Variants in GRIN2B observed in about 807,000 individuals in gnomAD.
GRIN2B encodes the protein glutamate ionotropic receptor NMDA type subunit 2B.
In GRIN2B, 5 loss-of-function variants were observed where a neutral mutation model predicts 114.5. The ratio of observed to expected loss-of-function variants is 0.04; its 90% confidence interval spans 0.02 to 0.09. GRIN2B has a LOEUF of 0.09. GRIN2B is among the 10% of genes least tolerant of loss of function. GRIN2B has a pLI of 1.00. For missense variants in GRIN2B, 1,108 were observed against 1,943.5 expected (o/e 0.57, Z 8.08); for synonymous variants, 787 against 745.1 (o/e 1.06, Z -0.92).
At chr12:13,711,450 A>C (rs566632652) in intron 4 of GRIN2B, among the ~76,000 whole-genome samples, 51 of 152,258 alleles carry the variant, frequency 3.3e-4, no homozygotes, top group African/African-American at 1.2e-3. Flanking sequence ...CAACCTACAG[A>C]ATGGGAGAAA....
chr12:13,898,451 G>A (rs1428553152), intron 2 of GRIN2B, among the ~76,000 whole-genome samples: 1 of 152,194 alleles, frequency 6.6e-6, no homozygotes, highest in Admixed American at 6.6e-5. Flanking sequence ...TGATTCTCAG[G>A]CTAGTGCTTT....
At chr12:13,717,738 A>C (rs932583403) in intron 4 of GRIN2B, among the ~76,000 whole-genome samples, 1 of 152,020 alleles carries the variant, frequency 6.6e-6, no homozygotes, top group Non-Finnish European at 1.5e-5. Context: ...ATAAAGCAAA[A>C]GTAAAAAGAT....
intron 2 of GRIN2B, among the ~76,000 whole-genome samples, chr12:13,896,170 C>T (rs1049794605): frequency 2.0e-5 from 3 of 152,076 alleles, no homozygotes; most frequent in Admixed American, 6.6e-5. Flanking sequence ...GCTCTACCAA[C>T]GAGGAGGCTC....
chr12:13,624,126 C>A (rs1379595776), intron 5 of GRIN2B, among the ~76,000 whole-genome samples: 1 of 152,174 alleles, frequency 6.6e-6, no homozygotes, highest in African/African-American at 2.4e-5. Flanking sequence ...TGTGGGTCAA[C>A]CTCTCCCTTT....
At chr12:13,890,841 A>G (rs1866247866) in intron 2 of GRIN2B, among the ~76,000 whole-genome samples, 1 of 152,136 alleles carries the variant, frequency 6.6e-6, no homozygotes, top group African/African-American at 2.4e-5. Flanking sequence ...TTTGAGCACC[A>G]TGCAGACTTT....
chr12:13,959,759 TTTTC>T (rs951539847), intron 2 of GRIN2B, among the ~76,000 whole-genome samples: 8 of 95,504 alleles, frequency 8.4e-5, no homozygotes, highest in Admixed American at 2.6e-4. Context: ...TTCTTTCTTT[TTTTC>T]TTTTTCTTTT....
Position 13,553,982 on chromosome 12 carries a change from TGTA to T in GRIN2B, c.*8798_*8800del, listed in dbSNP as rs1708379062. The T allele has an allele frequency of 6.6e-6, 1 of 152,164 alleles. No individual in the cohort carries two copies. Among genetic ancestry groups the T allele is most frequent in the African/African-American group, 2.4e-5 (1 of 41,440 alleles). 9.4% of individuals were successfully genotyped at this position (152,164 alleles called of 1,614,324 possible). ...CATTTGAAATAATGAACTGTATACATGTAGTATATACATGTGATTGTGTGTGCA... is the reference window on the plus strand; with the variant it reads ...CATTTGAAATAATGAACTGTATACATGTATATACATGTGATTGTGTGTGCA... On this transcript the variant is annotated 3_prime_UTR_variant, in exon 14 of 14. Coordinates refer to ENST00000609686, the MANE Select transcript of GRIN2B (RefSeq NM_000834.5).
At chr12:13,972,518 T>TA (rs5796571) in intron 2 of GRIN2B, among the ~76,000 whole-genome samples, 131,121 of 152,116 alleles carry the variant, frequency 0.86, 57,181 homozygotes, top group South Asian at 0.93. Context: ...CCATTACATA[T>TA]AAGAGAGAAC....
In GRIN2B at chr12:13,540,148, G is replaced by T. The variant is rs1011588994; in HGVS notation, c.*22635C>A. Reference sequence around the variant, plus strand: ...CAATTGGAAACCAACTGGGCAAGGGGTTTTTCCCAAACAGCACTTTTAACA... The same window carrying T: ...CAATTGGAAACCAACTGGGCAAGGGTTTTTTCCCAAACAGCACTTTTAACA... On this transcript the variant is annotated 3_prime_UTR_variant, in exon 14 of 14. Coordinates refer to ENST00000609686, the MANE Select transcript of GRIN2B (RefSeq NM_000834.5). 7.2e-5 allele frequency: 11 copies of T among 152,148 alleles called. No individual in the cohort carries two copies. Among genetic ancestry groups the T allele is most frequent in the African/African-American group, 2.4e-4 (10 of 41,442 alleles). 9.4% of individuals were successfully genotyped at this position (152,148 alleles called of 1,614,324 possible). A position where few individuals can be genotyped will look rare whatever the true frequency, so the allele number is the denominator to read the frequency against.
At chr12:13,639,939 T>C (rs987269604) in intron 5 of GRIN2B, among the ~76,000 whole-genome samples, 8 of 152,272 alleles carry the variant, frequency 5.3e-5, no homozygotes, top group Non-Finnish European at 1.0e-4. Context: ...TTTTACACTT[T>C]TAGAGGCAAA....
chr12:13,665,147 TTG>T (rs922497427), intron 5 of GRIN2B, among the ~76,000 whole-genome samples: 1 of 96,292 alleles, frequency 1.0e-5, no homozygotes, highest in African/African-American at 3.7e-5. Flanking sequence ...GTGTGTGTGT[TTG>T]TGTGTGTGTG....
intron 4 of GRIN2B, among the ~76,000 whole-genome samples, chr12:13,682,643 G>A (rs1950141736): frequency 6.6e-6 from 1 of 152,226 alleles, no homozygotes; most frequent in African/African-American, 2.4e-5. Flanking sequence ...TAAATTAGTG[G>A]TGTTAAGTTA....
chr12:13,715,655 G>A (rs545484798), intron 4 of GRIN2B, among the ~76,000 whole-genome samples: 19 of 151,824 alleles, frequency 1.3e-4, no homozygotes, highest in Non-Finnish European at 2.5e-4. Flanking sequence ...AAATCACATC[G>A]TAAGAAATCT....
intron 10 of GRIN2B, among the ~76,000 whole-genome samples, chr12:13,579,526 G>T (rs1253024914): frequency 6.6e-6 from 1 of 152,158 alleles, no homozygotes; most frequent in African/African-American, 2.4e-5. Flanking sequence ...ACAGTGCCTG[G>T]CTGATAAATA....
intron 10 of GRIN2B, among the ~76,000 whole-genome samples, chr12:13,572,902 T>C (rs1299676507): frequency 1.3e-5 from 2 of 152,244 alleles, no homozygotes; most frequent in African/African-American, 4.8e-5. Flanking sequence ...GAACCTGTTA[T>C]TCTTTGTTTA....
At chr12:13,723,999 T>C (rs1435534424) in intron 4 of GRIN2B, among the ~76,000 whole-genome samples, 1 of 152,152 alleles carries the variant, frequency 6.6e-6, no homozygotes, top group Non-Finnish European at 1.5e-5. Flanking sequence ...GAATGGGACC[T>C]GGAGACCCAC....
chr12:13,795,018 G>A (rs1408190763), intron 3 of GRIN2B, among the ~76,000 whole-genome samples: 2 of 152,152 alleles, frequency 1.3e-5, no homozygotes, highest in Non-Finnish European at 2.9e-5. Context: ...ATGATTCTTT[G>A]GGCCATTCTG....
In GRIN2B at chr12:13,611,834, G is replaced by A. The variant is rs187488896; in HGVS notation, c.1671C>T (p.Asp557=). 18 of 1,613,638 alleles carry A rather than the reference G, an allele frequency of 1.1e-5. No individual in the cohort carries two copies. The highest frequency in any genetic ancestry group is 6.7e-5 in the East Asian group (3 of 44,880). ...GCATCACAAACATCATCACCCATACGTCAGCGCTGAATGGCTCTGAGGAAG... is the reference window on the plus strand; with the variant it reads ...GCATCACAAACATCATCACCCATACATCAGCGCTGAATGGCTCTGAGGAAG... ...PSAFLEPFSA[D]VWVMMFVMLL... The change falls in exon 9 of 14, where the codon GAC becomes GAT. Residue 557 remains aspartate (D), a synonymous_variant. Transcript: ENST00000609686.
At chr12:13,924,766 G>A (rs114291060) in intron 2 of GRIN2B, among the ~76,000 whole-genome samples, 100 of 152,256 alleles carry the variant, frequency 6.6e-4, no homozygotes, top group African/African-American at 1.8e-3. Context: ...AACTTTTCAC[G>A]TATTCCTCCA....
Sources: allele counts gnomAD v4.1 joint callset (sites outside exome capture counted in the v4.1 genomes callset), GRCh38; gene constraint gnomAD v4.1.1; transcripts MANE v1.5; gene names NCBI Gene and HGNC (gene_info 2026-07-23, HGNC 2026-07-21).